TMEM181: variants seen among roughly 807,000 people sequenced by gnomAD.
TMEM181 encodes transmembrane protein 181.
In TMEM181, 39 loss-of-function variants were observed where a neutral mutation model predicts 71.9. That is an observed-to-expected ratio of 0.54 (90% CI 0.42 to 0.71). The LOEUF is 0.71. Among genes scored for constraint, TMEM181 ranks in the 30% least tolerant of loss-of-function variants. The pLI, the probability that TMEM181 is intolerant of heterozygous loss-of-function variation, is 0.00. For missense variants in TMEM181, 595 were observed against 583.0 expected, an observed-to-expected ratio of 1.02 and a Z score of -0.21; for synonymous variants, 245 against 228.8, an observed-to-expected ratio of 1.07 and a Z score of -0.64.
chr6:158,586,625 C>G (rs1291189546), intron 5 of TMEM181, among the ~76,000 whole-genome samples: 1 of 149,854 alleles, frequency 6.7e-6, no homozygotes, highest in East Asian at 2.0e-4. Context: ...ACTAGTGATA[C>G]ATATACTGGC....
At chr6:158,581,771 A>G (rs1582981555) in intron 3 of TMEM181, among the ~76,000 whole-genome samples, 1 of 151,508 alleles carries the variant, frequency 6.6e-6, no homozygotes, top group East Asian at 1.9e-4. Flanking sequence ...AAAAAAAAAA[A>G]AAAGCCTTAA....
chr6:158,615,890 T>C (rs1251048457), intron 10 of TMEM181, among the ~76,000 whole-genome samples: 1 of 152,224 alleles, frequency 6.6e-6, no homozygotes, highest in Non-Finnish European at 1.5e-5. Context: ...TACTGTAGCC[T>C]TGTAGTATAG....
At chr6:158,628,198 A>G in intron 13 of TMEM181, 1 of 691,860 alleles carries the variant, frequency 1.4e-6, no homozygotes, top group South Asian at 1.5e-5. Flanking sequence ...TAGCCCACCT[A>G]GATCCGAGAC....
rs545207527 is a variant in TMEM181, at chr6:158,571,298, C to T, written c.9-2122C>T. Among the ~76,000 whole-genome samples the T allele has an allele frequency of 7.7e-4, 114 of 148,632 alleles. 1 individual carries two copies. The highest frequency in any genetic ancestry group is 2.3e-3 in the African/African-American group (91 of 39,648). On this transcript the variant is annotated intron_variant, in intron 1 of 16. Coordinates refer to ENST00000684151, the MANE Select transcript of TMEM181 (RefSeq NM_001376852.1). ...TTTTTTAGTAAAGACGGGGTTTCACCGTGTTAGCAGGATGGTCTCGATCTC... is the reference window on the plus strand; with the variant it reads ...TTTTTTAGTAAAGACGGGGTTTCACTGTGTTAGCAGGATGGTCTCGATCTC...
chr6:158,624,959 G>A, intron 11 of TMEM181, 145 bp from the exon 12 acceptor site: 1 of 700,276 alleles, frequency 1.4e-6, no homozygotes, highest in East Asian at 2.5e-5. Flanking sequence ...GTCCCGGCTG[G>A]GAGCCCATTG....
chr6:158,583,250 T>C (rs1340188685), intron 3 of TMEM181, among the ~76,000 whole-genome samples: 1 of 152,130 alleles, frequency 6.6e-6, no homozygotes, highest in African/African-American at 2.4e-5. Context: ...TAATAATTCT[T>C]GAGATATATT....
At position 158,631,826 on chromosome 6, in the gene TMEM181, A is replaced by C. The variant is rs1022904464; in HGVS notation, c.1366A>C (p.Met456Leu). 1 of 1,600,428 alleles carries C rather than the reference A, an allele frequency of 6.2e-7. No homozygotes were observed. ...DVIYGSDYEEMPLQNGQAIRA... is the reference protein window; with the variant it reads ...DVIYGSDYEELPLQNGQAIRA... The stretch of plus-strand genomic sequence containing the variant: ...TGCTCACAGGAGTGACTATGAGGAA[A>C]TGCCGCTGCAGAACGGCCAGGCCAT... Residue 456 changes from methionine to leucine, a missense_variant, in exon 17 of 17, where the codon ATG becomes CTG. Met to Leu is a conservative substitution (Grantham distance 15). Transcript: ENST00000684151.
At chr6:158,563,253 C>G (rs1239958997) in intron 1 of TMEM181, among the ~76,000 whole-genome samples, 1 of 152,206 alleles carries the variant, frequency 6.6e-6, no homozygotes, top group Non-Finnish European at 1.5e-5. Context: ...AAGCGATTCT[C>G]CTGCCTCAGC....
At position 158,634,284 on chromosome 6, in the gene TMEM181, C is replaced by G. The variant is rs2128335487; in HGVS notation, c.*2396C>G. The G allele has an allele frequency of 6.6e-6, 1 of 152,334 alleles. No homozygotes were observed. The highest frequency in any genetic ancestry group is 1.5e-5 in the Non-Finnish European group (1 of 68,028). The allele number at this position is 152,334 out of a possible 1,614,324, so 9.4% of individuals were successfully genotyped here. On this transcript the variant is annotated 3_prime_UTR_variant, in exon 17 of 17. Transcript: ENST00000684151. ...CCATGTAAAATTTTGCTTAAACTCTCTAGCACTTGGCATGTAGAATATGTA... is the reference window on the plus strand; with the variant it reads ...CCATGTAAAATTTTGCTTAAACTCTGTAGCACTTGGCATGTAGAATATGTA...
chr6:158,617,960 T>G (rs918721541), intron 10 of TMEM181, among the ~76,000 whole-genome samples: 7 of 152,224 alleles, frequency 4.6e-5, no homozygotes, highest in Non-Finnish European at 1.0e-4. Flanking sequence ...TTCCATTGAT[T>G]AGGGATGGAG....
intron 1 of TMEM181, among the ~76,000 whole-genome samples, chr6:158,566,458 T>G (rs1387795496): frequency 3.2e-5 from 4 of 126,236 alleles, no homozygotes; most frequent in Admixed American, 7.8e-5. Context: ...ATGAGGGAGG[T>G]GATGGTGAGG....
intron 6 of TMEM181, among the ~76,000 whole-genome samples, chr6:158,596,088 A>C (rs1229647140): frequency 6.6e-6 from 1 of 151,584 alleles, no homozygotes; most frequent in African/African-American, 2.4e-5. Flanking sequence ...CGCCTGGCTA[A>C]TTTTTTGTAT....
At chr6:158,588,163 C>T (rs1164840305) in intron 5 of TMEM181, among the ~76,000 whole-genome samples, 1 of 152,244 alleles carries the variant, frequency 6.6e-6, no homozygotes, top group Non-Finnish European at 1.5e-5. Context: ...CCTGTGCTTC[C>T]GGCATAGGAG....
At position 158,635,215 on chromosome 6, in the gene TMEM181, T is replaced by C. The variant is rs1786892204; in HGVS notation, c.*3327T>C. 1 of 152,184 alleles carries C rather than the reference T, an allele frequency of 6.6e-6. No individual in the cohort carries two copies. 9.4% of individuals were successfully genotyped at this position (152,184 alleles called of 1,614,324 possible). On this transcript the variant is annotated 3_prime_UTR_variant, in exon 17 of 17. Coordinates refer to ENST00000684151, the MANE Select transcript of TMEM181 (RefSeq NM_001376852.1). ...CTTTTTACAAAATGACTGTAAATAT[T>C]TGTAAAATAAAATAACACTAAACTT...
chr6:158,608,832 TC>T, intron 10 of TMEM181, 82 bp downstream of exon 10: 1 of 1,310,410 alleles, frequency 7.6e-7, no homozygotes, highest in East Asian at 2.3e-5. Flanking sequence ...GCGTAGTGGC[TC>T]ACGCCTGTAA....
At chr6:158,628,230 G>C (rs1025628475) in intron 13 of TMEM181, 178 bp from the exon 14 acceptor site, 2 of 616,432 alleles carry the variant, frequency 3.2e-6, no homozygotes, top group East Asian at 6.6e-5. Flanking sequence ...AGCAGGGGCT[G>C]TGTGTGTGTG....
At chr6:158,617,145 T>A (rs1785658778) in intron 10 of TMEM181, among the ~76,000 whole-genome samples, 1 of 152,248 alleles carries the variant, frequency 6.6e-6, no homozygotes, top group African/African-American at 2.4e-5. Context: ...CTATTAATTA[T>A]TGCCTCAATT....
chr6:158,626,413 T>C, intron 13 of TMEM181: 1 of 456,736 alleles, frequency 2.2e-6, no homozygotes, highest in Non-Finnish European at 4.4e-6. Context: ...AAAATCTAGC[T>C]GCTGCTTGCC....
intron 6 of TMEM181, among the ~76,000 whole-genome samples, chr6:158,598,594 C>T (rs1384796298): frequency 6.6e-6 from 1 of 151,410 alleles, no homozygotes; most frequent in Non-Finnish European, 1.5e-5. Context: ...TCATTTCCAA[C>T]CCCCCAGTAT....
Sources: allele counts gnomAD v4.1 joint callset (sites outside exome capture counted in the v4.1 genomes callset), GRCh38; gene constraint gnomAD v4.1.1; transcripts MANE v1.5; gene names NCBI Gene and HGNC (gene_info 2026-07-23, HGNC 2026-07-21).